The following OTUD7B variants were observed in gnomAD, a reference collection of about 807,000 sequenced individuals.
The protein encoded by OTUD7B is OTU deubiquitinase 7B, also known as OTU domain-containing protein 7B.
A neutral mutation model predicts 82.2 loss-of-function variants in OTUD7B; 34 were observed. The observed-to-expected ratio is 0.41, with a 90% CI of 0.31 to 0.55. OTUD7B has a LOEUF of 0.55. Among genes scored for constraint, OTUD7B ranks in the 20% least tolerant of loss-of-function variants. The pLI, the probability that OTUD7B is intolerant of heterozygous loss-of-function variation, is 0.20. For missense variants in OTUD7B, 944 were observed against 1,062.1 expected (o/e 0.89, Z 1.55); for synonymous variants, 398 against 402.7 (o/e 0.99, Z 0.14).
chr1:150,007,728 A>C (rs1329051081), intron 1 of OTUD7B, among the ~76,000 whole-genome samples: 1 of 152,230 alleles, frequency 6.6e-6, no homozygotes, highest in Non-Finnish European at 1.5e-5. Flanking sequence ...TAAAAAGTCA[A>C]CTGAATTCAG....
At chr1:150,059,461 C>T in the OTUD7B span, among the ~76,000 whole-genome samples, 1 of 151,824 alleles carries the variant, frequency 6.6e-6, no homozygotes, top group Non-Finnish European at 1.5e-5. Context: ...CCTCCTCCTC[C>T]CAGGTTCAAT....
the OTUD7B span, among the ~76,000 whole-genome samples, chr1:150,028,858 G>T: frequency 6.6e-6 from 1 of 152,108 alleles, no homozygotes; most frequent in Non-Finnish European, 1.5e-5. Flanking sequence ...TTGAATAAGT[G>T]AAATCATACA....
the OTUD7B span, among the ~76,000 whole-genome samples, chr1:150,032,434 G>A: frequency 3.6e-4 from 52 of 145,680 alleles, no homozygotes; most frequent in East Asian, 9.1e-3. Flanking sequence ...TCCGAGACTA[G>A]CTTGGGCAAC....
chr1:149,947,553 C>G (rs1342009015), intron 10 of OTUD7B, among the ~76,000 whole-genome samples: 1 of 152,094 alleles, frequency 6.6e-6, no homozygotes. Flanking sequence ...TAGATAATAT[C>G]TATCCTGTAG....
the OTUD7B span, among the ~76,000 whole-genome samples, chr1:150,042,145 T>TC: frequency 6.5e-4 from 46 of 70,794 alleles, no homozygotes; most frequent in Middle Eastern, 7.8e-3. Context: ...CTCCCTCCCT[T>TC]CCTTCCTCCC....
chr1:149,976,329 GC>G (rs751043141), intron 2 of OTUD7B, among the ~76,000 whole-genome samples: 11 of 151,940 alleles, frequency 7.2e-5, no homozygotes, highest in Non-Finnish European at 1.3e-4. Flanking sequence ...AGAACATTCA[GC>G]CAGGCATGGT....
the OTUD7B span, among the ~76,000 whole-genome samples, chr1:150,037,584 A>G: frequency 2.0e-5 from 3 of 152,020 alleles, no homozygotes; most frequent in African/African-American, 4.8e-5. Flanking sequence ...TGAAGTTTGT[A>G]TCTACTTTTC....
At chr1:150,039,770 T>A in the OTUD7B span, among the ~76,000 whole-genome samples, 14 of 152,256 alleles carry the variant, frequency 9.2e-5, no homozygotes, top group Non-Finnish European at 1.5e-4. Flanking sequence ...GCTTTTGTTA[T>A]TCTTATAAAT....
chr1:149,964,982 C>G (rs1352730944), intron 5 of OTUD7B, among the ~76,000 whole-genome samples: 1 of 150,922 alleles, frequency 6.6e-6, no homozygotes, highest in African/African-American at 2.4e-5. Flanking sequence ...CAACCTCTGG[C>G]CCCCGGATTC....
At chr1:149,976,901 A>G (rs1650360440) in intron 2 of OTUD7B, among the ~76,000 whole-genome samples, 1 of 152,060 alleles carries the variant, frequency 6.6e-6, no homozygotes, top group African/African-American at 2.4e-5. Flanking sequence ...CAGGCAGATT[A>G]CCTGAGGTAA....
Position 149,943,683 on chromosome 1 carries a change from A to T in OTUD7B, c.*174T>A. Reference sequence around the variant, plus strand: ...GCCCCTGAGGTGCCATCCAGCCCCGACCTGCTCTTGCCAGCCTGGCAGCAC... The same window carrying T: ...GCCCCTGAGGTGCCATCCAGCCCCGTCCTGCTCTTGCCAGCCTGGCAGCAC... On this transcript the variant is annotated 3_prime_UTR_variant, in exon 12 of 12. Coordinates refer to ENST00000581312, the MANE Select transcript of OTUD7B (RefSeq NM_020205.4). 1 of 676,696 alleles carries T rather than the reference A, an allele frequency of 1.5e-6. No individual in the cohort carries two copies. Among genetic ancestry groups the T allele is most frequent in the Non-Finnish European group, 2.6e-6 (1 of 391,502 alleles). The allele number at this position is 676,696 out of a possible 1,614,324, so 41.9% of individuals were successfully genotyped here.
Position 149,941,723 on chromosome 1 carries a change from T to C in OTUD7B, c.*2134A>G, listed in dbSNP as rs967160516. 3.9e-5 allele frequency: 6 copies of C among 152,354 alleles called. No individual in the cohort carries two copies. The highest frequency in any genetic ancestry group is 1.4e-4 in the African/African-American group (6 of 41,588). The allele number at this position is 152,354 out of a possible 1,614,324, so 9.4% of individuals were successfully genotyped here. On this transcript the variant is annotated 3_prime_UTR_variant, in exon 12 of 12. Transcript: ENST00000581312. ...TCCTCCTAATCTCAGTCCTGTCAGA[T>C]CCTGTAAGATTTCGCTATTTTATCC...
chr1:150,025,075 A>G, the OTUD7B span, among the ~76,000 whole-genome samples: 1 of 151,202 alleles, frequency 6.6e-6, no homozygotes, highest in African/African-American at 2.4e-5. Context: ...AAAACAAACA[A>G]AAAAACCCAC....
the OTUD7B span, among the ~76,000 whole-genome samples, chr1:150,023,225 G>C: frequency 6.6e-6 from 1 of 152,216 alleles, no homozygotes; most frequent in East Asian, 1.9e-4. Context: ...TTGAAAAACA[G>C]TGTGGAGGTT....
chr1:150,033,858 A>AGT, the OTUD7B span, among the ~76,000 whole-genome samples: 62 of 152,174 alleles, frequency 4.1e-4, no homozygotes, highest in African/African-American at 1.4e-3. Context: ...AGTAGCTGGG[A>AGT]CTACAGGTGT....
intron 2 of OTUD7B, among the ~76,000 whole-genome samples, chr1:149,977,002 T>C (rs1571672855): frequency 6.6e-6 from 1 of 152,126 alleles, no homozygotes; most frequent in East Asian, 1.9e-4. Flanking sequence ...GCACCTGTAA[T>C]CCCAGCTACT....
the OTUD7B span, among the ~76,000 whole-genome samples, chr1:150,037,574 T>G: frequency 5.3e-5 from 8 of 152,162 alleles, no homozygotes; most frequent in Admixed American, 1.3e-4. Flanking sequence ...TCACTACAGA[T>G]GAAGTTTGTA....
At chr1:149,999,632 G>C (rs1652146754) in intron 1 of OTUD7B, among the ~76,000 whole-genome samples, 1 of 152,200 alleles carries the variant, frequency 6.6e-6, no homozygotes, top group Non-Finnish European at 1.5e-5. Context: ...ACAAGGCTGA[G>C]GTAGGAGGAT....
chr1:149,960,796 C>T (rs1649099995), intron 6 of OTUD7B: 1 of 151,816 alleles, frequency 6.6e-6, no homozygotes, highest in Non-Finnish European at 1.5e-5. Context: ...TTTCCCAAAC[C>T]CACTCTTCTT....
Sources: allele counts gnomAD v4.1 joint callset (sites outside exome capture counted in the v4.1 genomes callset), GRCh38; gene constraint gnomAD v4.1.1; transcripts MANE v1.5; gene names NCBI Gene and HGNC (gene_info 2026-07-23, HGNC 2026-07-21).